AFG1L: variants seen among roughly 807,000 people sequenced by gnomAD.
The protein encoded by AFG1L is AFG1-like ATPase.
A neutral mutation model predicts 62.2 loss-of-function variants in AFG1L; 53 were observed. The ratio of observed to expected loss-of-function variants is 0.85; its 90% CI spans 0.68 to 1.07. The LOEUF (loss-of-function observed/expected upper bound fraction) is 1.07. Ranked by LOEUF, AFG1L falls within the 50% of genes least tolerant of loss-of-function variation. AFG1L has a pLI of 0.00. For missense variants in AFG1L, 555 were observed against 590.5 expected, an observed-to-expected ratio of 0.94 and a Z score of 0.62; for synonymous variants, 228 against 210.3, an observed-to-expected ratio of 1.08 and a Z score of -0.73.
chr6:108,324,148 A>G lies in AFG1L; in HGVS notation c.363+100A>G, dbSNP rs940986082. The G allele has an allele frequency of 3.8e-6, 3 of 795,890 alleles. No individual in the cohort carries two copies. The African/African-American group carries it at 5.3e-5, about 14-fold the overall frequency. 49.3% of individuals were successfully genotyped at this position (795,890 alleles called of 1,614,324 possible). On this transcript the variant is annotated intron_variant, in intron 2 of 12. Coordinates refer to ENST00000368977, the MANE Select transcript of AFG1L (RefSeq NM_145315.5). ...GACACAATCATGAAACATCTTGAAA[A>G]ATTTTCACCAGTTCCTTTACACAAA...
intron 8 of AFG1L, among the ~76,000 whole-genome samples, chr6:108,474,655 A>T (rs1035613865): frequency 6.6e-6 from 1 of 152,134 alleles, no homozygotes. Context: ...GCCTTCTTTC[A>T]TATGTCTGTT....
chr6:108,507,381 A>G (rs1033523076), intron 10 of AFG1L, among the ~76,000 whole-genome samples: 1 of 152,140 alleles, frequency 6.6e-6, no homozygotes, highest in African/African-American at 2.4e-5. Flanking sequence ...GAGAAAGATA[A>G]CTCTACTGAG....
chr6:108,370,535 C>A (rs772508462), intron 6 of AFG1L, among the ~76,000 whole-genome samples: 2 of 151,920 alleles, frequency 1.3e-5, no homozygotes, highest in Non-Finnish European at 2.9e-5. Context: ...GCCAAAGTAT[C>A]CTATAATTTA....
chr6:108,401,183 C>G (rs1247882905), intron 6 of AFG1L, among the ~76,000 whole-genome samples: 1 of 148,542 alleles, frequency 6.7e-6, no homozygotes, highest in Admixed American at 6.7e-5. Flanking sequence ...TCGCCCAGGC[C>G]GGACTGCGGA....
At chr6:108,349,988 C>T (rs1436783968) in intron 3 of AFG1L, among the ~76,000 whole-genome samples, 2 of 151,052 alleles carry the variant, frequency 1.3e-5, no homozygotes, top group Non-Finnish European at 2.9e-5. Context: ...CTTTGGGGGG[C>T]TGAGGGGGGC....
In AFG1L at chr6:108,314,185, C is replaced by T. The variant is rs139015410; in HGVS notation, c.140-9640C>T. ...GGTGGAGGTTGCAGTCAGCTGAGAT[C>T]GCTCCATTGTACTGCAGTCTGGGCA... On this transcript the variant is annotated intron_variant, in intron 1 of 12. Coordinates refer to ENST00000368977, the MANE Select transcript of AFG1L (RefSeq NM_145315.5). Among the ~76,000 whole-genome samples, 975 of 151,850 alleles carry T rather than the reference C, an allele frequency of 6.4e-3. 10 individuals are homozygous for T. The highest frequency in any genetic ancestry group is 0.021 in the African/African-American group (871 of 41,418).
At chr6:108,301,965 A>C (rs949622439) in intron 1 of AFG1L, among the ~76,000 whole-genome samples, 1 of 144,176 alleles carries the variant, frequency 6.9e-6, no homozygotes, top group Non-Finnish European at 1.5e-5. Context: ...TTTTTTTTTG[A>C]GACAGAATCT....
At chr6:108,485,657 T>TATATATATA (rs869070532) in intron 10 of AFG1L, among the ~76,000 whole-genome samples, 11 of 12,586 alleles carry the variant, frequency 8.7e-4, no homozygotes, top group Admixed American at 1.7e-3. Flanking sequence ...TATATATATA[T>TATATATATA]TTTTTTTTTT....
At chr6:108,440,657 A>G (rs1465507753) in intron 7 of AFG1L, among the ~76,000 whole-genome samples, 2 of 151,582 alleles carry the variant, frequency 1.3e-5, no homozygotes, top group African/African-American at 4.8e-5. Context: ...CGTCTCTACT[A>G]AAAAATACAA....
Position 108,399,178 on chromosome 6 carries a change from G to GTTTTTT in AFG1L, c.749-2795_749-2790dup, listed in dbSNP as rs57304886. 7.6e-4 allele frequency among the ~76,000 whole-genome samples: 47 copies of GTTTTTT among 62,226 alleles called. 3 individuals are homozygous for GTTTTTT. Among genetic ancestry groups the GTTTTTT allele is most frequent in the African/African-American group, 2.9e-3 (44 of 14,920 alleles). 40.8% of individuals were successfully genotyped at this position (62,226 alleles called of 152,430 possible). The stretch of plus-strand genomic sequence containing the variant: ...CAAAGATCTGTCACTTCTTTTGTTT[G>GTTTTTT]TTTTTTTTTTTTTTTTTTTTTTTTT... On this transcript the variant is annotated intron_variant, in intron 6 of 12. Transcript: ENST00000368977.
At chr6:108,423,044 A>G (rs1770672634) in intron 7 of AFG1L, among the ~76,000 whole-genome samples, 6 of 152,104 alleles carry the variant, frequency 3.9e-5, no homozygotes. Context: ...TTTTTCAGGT[A>G]TAGGTCACAG....
chr6:108,503,550 G>A (rs1456206468), intron 10 of AFG1L, among the ~76,000 whole-genome samples: 1 of 152,178 alleles, frequency 6.6e-6, no homozygotes, highest in African/African-American at 2.4e-5. Flanking sequence ...AAAAAGATGT[G>A]CTGTCATCCA....
intron 6 of AFG1L, among the ~76,000 whole-genome samples, chr6:108,390,375 G>GT (rs1237100050): frequency 6.6e-6 from 1 of 152,212 alleles, no homozygotes; most frequent in Non-Finnish European, 1.5e-5. Flanking sequence ...ACTTGTCAAA[G>GT]TCATTCTCTG....
intron 1 of AFG1L, among the ~76,000 whole-genome samples, chr6:108,308,547 T>A (rs527533234): frequency 1.3e-5 from 2 of 152,110 alleles, no homozygotes; most frequent in African/African-American, 4.8e-5. Context: ...GGGGTTTTGC[T>A]CTGTTGCCCA....
At chr6:108,306,091 AT>A (rs1471142381) in intron 1 of AFG1L, among the ~76,000 whole-genome samples, 1 of 152,042 alleles carries the variant, frequency 6.6e-6, no homozygotes, top group African/African-American at 2.4e-5. Context: ...TTTAGTAGAG[AT>A]GGGGTTTTGC....
intron 1 of AFG1L, among the ~76,000 whole-genome samples, chr6:108,300,225 T>G (rs1582550495): frequency 6.6e-6 from 1 of 152,176 alleles, no homozygotes; most frequent in East Asian, 1.9e-4. Context: ...CTTGGCTCAC[T>G]GCAACCTCTG....
intron 6 of AFG1L, among the ~76,000 whole-genome samples, chr6:108,394,011 TTC>T (rs566380719): frequency 4.6e-5 from 7 of 152,094 alleles, no homozygotes; most frequent in South Asian, 2.1e-4. Context: ...TCTTCTTTCT[TTC>T]TCTCTCTGTC....
At chr6:108,418,317 C>G (rs545232225) in intron 7 of AFG1L, among the ~76,000 whole-genome samples, 1 of 152,182 alleles carries the variant, frequency 6.6e-6, no homozygotes, top group Admixed American at 6.5e-5. Context: ...TATGTATTAC[C>G]TATGGCTCTT....
intron 1 of AFG1L, among the ~76,000 whole-genome samples, chr6:108,314,891 G>A (rs1777533989): frequency 6.6e-6 from 1 of 152,016 alleles, no homozygotes; most frequent in Admixed American, 6.6e-5. Context: ...CCAGGCTAGA[G>A]TGCAGTGGGG....
Sources: gnomAD v4.1 joint callset for allele counts (sites outside exome capture counted in the v4.1 genomes callset) on GRCh38, gnomAD v4.1.1 for gene constraint, MANE v1.5 for transcripts, NCBI Gene and HGNC (gene_info 2026-07-23, HGNC 2026-07-21) for gene names.